AP3S1: variants seen among roughly 807,000 people sequenced by gnomAD.
AP3S1 encodes adaptor related protein complex 3 subunit sigma 1.
In AP3S1, 12 loss-of-function variants were observed where a neutral mutation model predicts 21.3. That is an observed-to-expected ratio of 0.56 (90% CI 0.36 to 0.91). The LOEUF (loss-of-function observed/expected upper bound fraction) is 0.91, where lower values mean the gene tolerates loss of function less well. AP3S1 is among the 40% of genes least tolerant of loss of function. AP3S1 has a pLI of 0.01. For missense variants in AP3S1, 116 were observed against 225.0 expected, an observed-to-expected ratio of 0.52 and a Z score of 3.10; for synonymous variants, 48 against 78.4, an observed-to-expected ratio of 0.61 and a Z score of 2.05.
At chr5:115,868,933 GGAGGGAAGGAAGGA>G (rs1747953891) in intron 2 of AP3S1, among the ~76,000 whole-genome samples, 1 of 84,930 alleles carries the variant, frequency 1.2e-5, no homozygotes, top group Non-Finnish European at 2.6e-5. Context: ...AGGGAGGGAG[GGAGGGAAGGAAGGA>G]AGGAAGGGAG....
intron 1 of AP3S1, among the ~76,000 whole-genome samples, chr5:115,850,303 T>C (rs1762349558): frequency 6.6e-6 from 1 of 152,228 alleles, no homozygotes; most frequent in Non-Finnish European, 1.5e-5. Flanking sequence ...CTATTTCCTG[T>C]CATTAATATA....
At chr5:115,866,907 A>ACTT in intron 2 of AP3S1, 146 bp downstream of exon 2, 1 of 427,504 alleles carries the variant, frequency 2.3e-6, no homozygotes. Context: ...TATAAATCTA[A>ACTT]CTTAAAGAAT....
chr5:115,862,157 C>A (rs1580644055), intron 1 of AP3S1, among the ~76,000 whole-genome samples: 1 of 152,010 alleles, frequency 6.6e-6, no homozygotes, highest in African/African-American at 2.4e-5. Context: ...TATGAACATT[C>A]TTCTGTTTGT....
intron 4 of AP3S1, among the ~76,000 whole-genome samples, chr5:115,901,864 G>A (rs6897860): frequency 0.26 from 40,146 of 151,860 alleles, 5,904 homozygotes; most frequent in African/African-American, 0.39. Flanking sequence ...ATAAATTTGC[G>A]TGAAATCTTA....
chr5:115,841,988 C>G lies in AP3S1; in HGVS notation c.-50C>G, dbSNP rs774362428. 2.2e-4 allele frequency: 344 copies of G among 1,543,414 alleles called. No individual in the cohort carries two copies. Among genetic ancestry groups the G allele is most frequent in the Non-Finnish European group, 2.7e-4 (311 of 1,144,164 alleles). On this transcript the variant is annotated 5_prime_UTR_variant, in exon 1 of 6. Coordinates refer to ENST00000316788, the MANE Select transcript of AP3S1 (RefSeq NM_001284.4). Reference sequence around the variant, plus strand: ...GAGATTACGAGGCGAGGCTCGCGCGCCCGCCCCCGCCCTGGCCCCCAGTGC... The same window carrying G: ...GAGATTACGAGGCGAGGCTCGCGCGGCCGCCCCCGCCCTGGCCCCCAGTGC...
At chr5:115,896,024 ATAATC>A (rs372276488) in intron 4 of AP3S1, among the ~76,000 whole-genome samples, 2 of 152,180 alleles carry the variant, frequency 1.3e-5, no homozygotes, top group African/African-American at 4.8e-5. Flanking sequence ...TTAGGTTTGT[ATAATC>A]TAAGAGATTC....
chr5:115,877,137 C>T (rs1377343207), intron 3 of AP3S1, among the ~76,000 whole-genome samples: 2 of 151,736 alleles, frequency 1.3e-5, no homozygotes, highest in Non-Finnish European at 2.9e-5. Flanking sequence ...TTCTATCATA[C>T]CTCAATATTT....
At chr5:115,889,028 A>G (rs1352206926) in intron 3 of AP3S1, among the ~76,000 whole-genome samples, 3 of 152,170 alleles carry the variant, frequency 2.0e-5, no homozygotes, top group African/African-American at 7.2e-5. Context: ...GTTTCAAAGC[A>G]TGTATCCTCA....
chr5:115,883,036 C>T (rs1159384679), intron 3 of AP3S1, among the ~76,000 whole-genome samples: 1 of 152,192 alleles, frequency 6.6e-6, no homozygotes, highest in African/African-American at 2.4e-5. Context: ...TCAATAATGG[C>T]AGACGCCTCT....
chr5:115,878,207 A>C (rs1748903943), intron 3 of AP3S1, among the ~76,000 whole-genome samples: 1 of 152,172 alleles, frequency 6.6e-6, no homozygotes, highest in South Asian at 2.1e-4. Context: ...TAGTTTAATT[A>C]GATCCCATTT....
intron 3 of AP3S1, among the ~76,000 whole-genome samples, chr5:115,880,557 C>G (rs927666313): frequency 2.6e-5 from 4 of 152,076 alleles, no homozygotes; most frequent in African/African-American, 9.7e-5. Context: ...GCACTGTGGT[C>G]TGAGAGTCTG....
At chr5:115,850,455 A>G (rs577053268) in intron 1 of AP3S1, among the ~76,000 whole-genome samples, 13 of 152,162 alleles carry the variant, frequency 8.5e-5, no homozygotes, top group Non-Finnish European at 1.6e-4. Context: ...ATCACCACCC[A>G]TCCATCTGTA....
intron 4 of AP3S1, among the ~76,000 whole-genome samples, chr5:115,896,478 A>C (rs1402593986): frequency 6.6e-6 from 1 of 152,138 alleles, no homozygotes; most frequent in Non-Finnish European, 1.5e-5. Flanking sequence ...GGTTCACAAT[A>C]TTCAAAATTA....
chr5:115,879,840 T>G (rs1394805090), intron 3 of AP3S1, among the ~76,000 whole-genome samples: 2 of 152,138 alleles, frequency 1.3e-5, no homozygotes, highest in East Asian at 3.9e-4. Context: ...GTCCTGGGCT[T>G]TTTTTGGTTG....
chr5:115,883,735 A>T (rs1185188137), intron 3 of AP3S1, among the ~76,000 whole-genome samples: 1 of 152,216 alleles, frequency 6.6e-6, no homozygotes, highest in African/African-American at 2.4e-5. Context: ...ATTCAACTAT[A>T]GGTAGAAGAA....
intron 3 of AP3S1, among the ~76,000 whole-genome samples, chr5:115,873,418 A>G (rs776850805): frequency 2.0e-5 from 3 of 152,198 alleles, no homozygotes; most frequent in Non-Finnish European, 2.9e-5. Flanking sequence ...TCCGATTACT[A>G]AAGTAGGCTA....
chr5:115,888,593 C>A (rs1749999143), intron 3 of AP3S1, among the ~76,000 whole-genome samples: 1 of 151,936 alleles, frequency 6.6e-6, no homozygotes, highest in African/African-American at 2.4e-5. Flanking sequence ...GTTATAATGA[C>A]ATTTTGTTGC....
intron 1 of AP3S1, among the ~76,000 whole-genome samples, chr5:115,843,764 G>A (rs1255929000): frequency 6.6e-6 from 1 of 152,152 alleles, no homozygotes; most frequent in African/African-American, 2.4e-5. Context: ...TATACTACTC[G>A]TATAGTGTAT....
At chr5:115,851,527 G>A (rs981964562) in intron 1 of AP3S1, among the ~76,000 whole-genome samples, 3 of 152,062 alleles carry the variant, frequency 2.0e-5, no homozygotes, top group Non-Finnish European at 2.9e-5. Flanking sequence ...TTTATGAAGT[G>A]GTGCCTCATT....
Sources: gnomAD v4.1 joint callset for allele counts (sites outside exome capture counted in the v4.1 genomes callset) on GRCh38, gnomAD v4.1.1 for gene constraint, MANE v1.5 for transcripts, NCBI Gene and HGNC (gene_info 2026-07-23, HGNC 2026-07-21) for gene names.